Variants in OTUD3 observed in about 807,000 individuals in gnomAD.
The protein encoded by OTUD3 is OTU domain-containing protein 3.
OTUD3 carries 24 observed loss-of-function variants against 46.2 expected under a neutral mutation model. The ratio of observed to expected loss-of-function variants is 0.52; its 90% CI spans 0.38 to 0.73. The LOEUF is 0.73. OTUD3 is among the 30% of genes least tolerant of loss of function. The probability of loss-of-function intolerance (pLI) is 0.00; values close to 1 mark genes in which losing one functional copy is unlikely to be tolerated. For missense variants in OTUD3, 455 were observed against 523.3 expected (o/e 0.87, Z 1.27); for synonymous variants, 189 against 195.4 (o/e 0.97, Z 0.27).
chr1:19,896,400 T>G (rs915745625), intron 3 of OTUD3, among the ~76,000 whole-genome samples: 1 of 152,012 alleles, frequency 6.6e-6, no homozygotes, highest in African/African-American at 2.4e-5. Context: ...TTATTAGGTA[T>G]GTAAGTGCTT....
chr1:19,882,685 A>T lies in OTUD3; in HGVS notation c.172A>T (p.Asn58Tyr). The T allele has an allele frequency of 6.9e-7, 1 of 1,455,888 alleles. No individual in the cohort carries two copies. The highest frequency in any genetic ancestry group is 9.0e-7 in the Non-Finnish European group (1 of 1,105,572). 90.2% of individuals were successfully genotyped at this position (1,455,888 alleles called of 1,614,324 possible). ...GCEEEFVSFA[N>Y]QLQALGLKLR... is the part of the protein sequence containing the mutation. ...CGAGGAGGAGTTCGTCAGCTTCGCCAACCAGCTGCAGGCCCTGGGGCTGAA... is the reference window on the plus strand; with the variant it reads ...CGAGGAGGAGTTCGTCAGCTTCGCCTACCAGCTGCAGGCCCTGGGGCTGAA... Residue 58 changes from asparagine (N) to tyrosine (Y), a missense_variant, in exon 1 of 8, where the codon AAC (asparagine) becomes TAC (tyrosine). Coordinates refer to ENST00000375120, the MANE Select transcript of OTUD3 (RefSeq NM_015207.2).
rs758829543 is a variant in OTUD3, at chr1:19,897,581, C to T, written c.525C>T (p.Ile175=). ...TEKSSVRELH[I]AYRYGEHYDS... Reference sequence around the variant, plus strand: ...AAAGCAGCGTGAGGGAGTTACACATCGCATATCGGTATGGAGAGCACTACG... The same window carrying T: ...AAAGCAGCGTGAGGGAGTTACACATTGCATATCGGTATGGAGAGCACTACG... The change falls in exon 4 of 8, where the codon ATC becomes ATT. Residue 175 remains isoleucine (I), a synonymous_variant. Coordinates refer to ENST00000375120, the MANE Select transcript of OTUD3 (RefSeq NM_015207.2). 28 of 1,613,804 alleles carry T rather than the reference C, an allele frequency of 1.7e-5. No individual in the cohort carries two copies. The highest frequency in any genetic ancestry group is 2.1e-5 in the Non-Finnish European group (25 of 1,179,856).
At chr1:19,904,855 T>C in intron 5 of OTUD3, 36 bp from the exon 6 acceptor site, 1 of 1,026,242 alleles carries the variant, frequency 9.7e-7, no homozygotes, top group Non-Finnish European at 1.5e-6. Context: ...CCCAGAGTTT[T>C]GAAGTGGTTT....
chr1:19,882,960 G>A (rs1250289377), intron 1 of OTUD3, among the ~76,000 whole-genome samples: 1 of 152,224 alleles, frequency 6.6e-6, no homozygotes, highest in African/African-American at 2.4e-5. Flanking sequence ...CATGGCAGAC[G>A]CCGCGAGCGA....
Position 19,890,381 on chromosome 1 carries a change from A to G in OTUD3, c.222-4A>G, listed in dbSNP as rs774814821. On this transcript the variant is annotated splice_region_variant and splice_polypyrimidine_tract_variant and intron_variant, in intron 1 of 7. Transcript: ENST00000375120. ...GGTCTTGACTCGTGTTGTTGTTTTG[A>G]CAGCAATTGCTTGTTCAGAGCTCTT... The G allele has an allele frequency of 6.2e-7, 1 of 1,613,616 alleles. No homozygotes were observed. The highest frequency in any genetic ancestry group is 1.1e-5 in the South Asian group (1 of 91,036).
At chr1:19,892,461 A>C (rs2045459990) in intron 2 of OTUD3, among the ~76,000 whole-genome samples, 1 of 152,134 alleles carries the variant, frequency 6.6e-6, no homozygotes, top group African/African-American at 2.4e-5. Flanking sequence ...AAAGTGAATA[A>C]ATGAATGGTT....
chr1:19,907,564 T>C lies in OTUD3; in HGVS notation c.1021-6T>C, dbSNP rs2045678370. The C allele has an allele frequency of 6.2e-7, 1 of 1,613,676 alleles. No individual in the cohort carries two copies. The highest frequency in any genetic ancestry group is 8.5e-7 in the Non-Finnish European group (1 of 1,179,846). ...TCCTACTCACCACCATGGCCTTCTC[T>C]CTCAGGTCACAAACAAACAGAGGCG... is the stretch of plus-strand genomic sequence containing the variant. On this transcript the variant is annotated splice_polypyrimidine_tract_variant and splice_region_variant and intron_variant, in intron 7 of 7. Transcript: ENST00000375120.
In OTUD3 at chr1:19,912,417, C is replaced by T. The variant is rs753042952; in HGVS notation, c.*4671C>T. ...GCCCTTGGCCTCCCCAGTGCCTCTTCCAGAGCCTCCACCAGCACTAAGCTC... is the reference window on the plus strand; with the variant it reads ...GCCCTTGGCCTCCCCAGTGCCTCTTTCAGAGCCTCCACCAGCACTAAGCTC... On this transcript the variant is annotated 3_prime_UTR_variant, in exon 8 of 8. Transcript: ENST00000375120. The T allele has an allele frequency of 4.6e-5, 7 of 152,628 alleles. No homozygotes were observed. The highest frequency in any genetic ancestry group is 7.3e-5 in the Non-Finnish European group (5 of 68,186). The allele number at this position is 152,628 out of a possible 1,614,324, so 9.5% of individuals were successfully genotyped here. A position where few individuals can be genotyped will look rare whatever the true frequency, so the allele number is the denominator to read the frequency against.
At chr1:19,897,128 AT>A (rs896095174) in intron 3 of OTUD3, among the ~76,000 whole-genome samples, 13 of 149,012 alleles carry the variant, frequency 8.7e-5, no homozygotes, top group East Asian at 3.9e-4. Flanking sequence ...ATAATTTTGC[AT>A]TTTTTTTTTC....
chr1:19,888,317 C>T (rs776382728), intron 1 of OTUD3, among the ~76,000 whole-genome samples: 16 of 152,166 alleles, frequency 1.1e-4, no homozygotes, highest in Admixed American at 1.3e-4. Context: ...GCCCAGATCT[C>T]CTAGAGGCCC....
rs1466170681 is a variant in OTUD3 at position 19,882,549 on chromosome 1, C to G, written c.36C>G (p.Gly12=). 7.4e-7 allele frequency: 1 copy of G among 1,350,850 alleles called. No individual in the cohort carries two copies. The highest frequency in any genetic ancestry group is 9.4e-7 in the Non-Finnish European group (1 of 1,059,820). 83.7% of individuals were successfully genotyped at this position (1,350,850 alleles called of 1,614,324 possible). ...AGCAGGCGGCGAAGAGCCGGCCGGG[C>G]AGCGGCAGCCGGAAAGCCGAGGCCG... ...SRKQAAKSRP[G]SGSRKAEAER... The change falls in exon 1 of 8, where the codon GGC becomes GGG. Residue 12 remains glycine, a synonymous_variant. Coordinates refer to ENST00000375120, the MANE Select transcript of OTUD3 (RefSeq NM_015207.2).
chr1:19,892,499 C>A (rs1454918532), intron 2 of OTUD3, among the ~76,000 whole-genome samples: 1 of 152,134 alleles, frequency 6.6e-6, no homozygotes, highest in African/African-American at 2.4e-5. Flanking sequence ...CCTGGTCACC[C>A]TTGCATCTGG....
chr1:19,900,924 T>G lies in OTUD3; in HGVS notation c.606+3262T>G, dbSNP rs191761729. On this transcript the variant is annotated intron_variant, in intron 4 of 7. Coordinates refer to ENST00000375120, the MANE Select transcript of OTUD3 (RefSeq NM_015207.2). ...TTGAGGTTTTTTTTTTTGTTTTTTT[T>G]TTTTTTTTTTTGAGACAGAGTCTTG... 3.8e-3 allele frequency among the ~76,000 whole-genome samples: 564 copies of G among 147,882 alleles called. 2 individuals carry two copies. The highest frequency in any genetic ancestry group is 0.012 in the African/African-American group (478 of 40,172).
rs1423259417 is a variant in OTUD3 at position 19,910,031 on chromosome 1, T to G, written c.*2285T>G. 3 of 152,370 alleles carry G rather than the reference T, an allele frequency of 2.0e-5. No individual in the cohort carries two copies. The highest frequency in any genetic ancestry group is 4.4e-5 in the Non-Finnish European group (3 of 68,044). The allele number at this position is 152,370 out of a possible 1,614,324, so 9.4% of individuals were successfully genotyped here. A position where few individuals can be genotyped will look rare whatever the true frequency, so the allele number is the denominator to read the frequency against. ...GATACCTTCTAGCTAATGGTTTCAATTTAGACTTCACTGCCTCAGTCTCAC... is the reference window on the plus strand; with the variant it reads ...GATACCTTCTAGCTAATGGTTTCAAGTTAGACTTCACTGCCTCAGTCTCAC... On this transcript the variant is annotated 3_prime_UTR_variant, in exon 8 of 8. Coordinates refer to ENST00000375120, the MANE Select transcript of OTUD3 (RefSeq NM_015207.2).
At chr1:19,900,334 C>G (rs1385713275) in intron 4 of OTUD3, among the ~76,000 whole-genome samples, 1 of 152,032 alleles carries the variant, frequency 6.6e-6, no homozygotes, top group Non-Finnish European at 1.5e-5. Flanking sequence ...GGGACCACAG[C>G]TGTGTACCAC....
At chr1:19,894,613 A>T (rs558045634) in intron 3 of OTUD3, 133 bp downstream of exon 3, 27 of 553,910 alleles carry the variant, frequency 4.9e-5, no homozygotes, top group African/African-American at 4.7e-4. Context: ...CTAACCAAAG[A>T]CAAAAATCTT....
chr1:19,900,264 T>C (rs944442201), intron 4 of OTUD3, among the ~76,000 whole-genome samples: 2 of 152,106 alleles, frequency 1.3e-5, no homozygotes, highest in African/African-American at 4.8e-5. Flanking sequence ...AGTGCAGTGC[T>C]ATGATCATGT....
At chr1:19,882,914 C>G (rs2045292731) in intron 1 of OTUD3, among the ~76,000 whole-genome samples, 180 bp downstream of exon 1, 1 of 152,210 alleles carries the variant, frequency 6.6e-6, no homozygotes, top group African/African-American at 2.4e-5. Context: ...AGCCCCTCGC[C>G]CCGAGACGCT....
intron 4 of OTUD3, chr1:19,897,947 C>CAT: frequency 6.2e-6 from 1 of 161,076 alleles, no homozygotes. Context: ...TAATCCACAC[C>CAT]TTTTTTTTTT....
Sources: allele counts gnomAD v4.1 joint callset (sites outside exome capture counted in the v4.1 genomes callset), GRCh38; gene constraint gnomAD v4.1.1; transcripts MANE v1.5; gene names NCBI Gene and HGNC (gene_info 2026-07-23, HGNC 2026-07-21).